Variants in RGS7 observed in about 807,000 individuals in gnomAD.
RGS7 encodes the protein regulator of G protein signaling 7.
A neutral mutation model predicts 81.1 loss-of-function variants in RGS7; 27 were observed. That is an observed-to-expected ratio of 0.33 (90% CI 0.25 to 0.46). The LOEUF is 0.46. RGS7 is among the 20% of genes least tolerant of loss of function. The pLI, the probability that RGS7 is intolerant of heterozygous loss-of-function variation, is 1.00. For synonymous variants in RGS7, 208 were observed against 207.7 expected, an observed-to-expected ratio of 1.00 and a Z score of -0.01; for missense variants, 396 against 607.4, an observed-to-expected ratio of 0.65 and a Z score of 3.66.
intron 3 of RGS7, among the ~76,000 whole-genome samples, chr1:241,036,553 T>A (rs2060338056): frequency 6.6e-6 from 1 of 152,194 alleles, no homozygotes; most frequent in Non-Finnish European, 1.5e-5. Context: ...CTTACACAAT[T>A]AGCATGCTTC....
intron 4 of RGS7, among the ~76,000 whole-genome samples, chr1:240,944,976 A>G (rs927444096): frequency 1.3e-5 from 2 of 151,870 alleles, no homozygotes; most frequent in South Asian, 2.1e-4. Flanking sequence ...CTTCCCAAGC[A>G]TTGGGATTAC....
rs571625864 is a variant in RGS7, at chr1:240,945,259, T to G, written c.227-8553A>C. 2.0e-5 allele frequency among the ~76,000 whole-genome samples: 3 copies of G among 152,342 alleles called. No homozygotes were observed. In the South Asian group the frequency reaches 6.2e-4, roughly 32 times the overall value. On this transcript the variant is annotated intron_variant, in intron 4 of 18. Transcript: ENST00000440928. Reference sequence around the variant, plus strand: ...AAGAGAAAAATAGCCCAATACGAAATATAAAAGCTGATTTTAATTTCAGTT... The same window carrying G: ...AAGAGAAAAATAGCCCAATACGAAAGATAAAAGCTGATTTTAATTTCAGTT...
intron 3 of RGS7, among the ~76,000 whole-genome samples, chr1:241,073,604 T>C (rs964043261): frequency 4.6e-5 from 7 of 152,154 alleles, no homozygotes; most frequent in Non-Finnish European, 7.3e-5. Context: ...GTGGTGAAAG[T>C]CCCTTGGAAT....
intron 2 of RGS7, among the ~76,000 whole-genome samples, chr1:241,204,677 T>C (rs1161612417): frequency 6.6e-6 from 1 of 152,048 alleles, no homozygotes; most frequent in Non-Finnish European, 1.5e-5. Context: ...TGTCTTTTTG[T>C]TGTTTCTTTA....
At chr1:240,876,633 A>G (rs1190168098) in intron 6 of RGS7, among the ~76,000 whole-genome samples, 1 of 152,144 alleles carries the variant, frequency 6.6e-6, no homozygotes. Context: ...TCTCCTTGGA[A>G]AGGACGTGAG....
chr1:241,113,128 A>C (rs1294235514), intron 2 of RGS7, among the ~76,000 whole-genome samples: 1 of 152,206 alleles, frequency 6.6e-6, no homozygotes, highest in East Asian at 1.9e-4. Context: ...CTAGTCCAAT[A>C]ACTGGCTCTT....
chr1:240,941,275 A>G (rs1473036519), intron 4 of RGS7, among the ~76,000 whole-genome samples: 2 of 152,216 alleles, frequency 1.3e-5, no homozygotes, highest in African/African-American at 4.8e-5. Flanking sequence ...AAATGGTTTT[A>G]AGATTTTTGG....
chr1:241,097,641 G>T (rs953352330), intron 3 of RGS7, among the ~76,000 whole-genome samples: 3 of 152,206 alleles, frequency 2.0e-5, no homozygotes, highest in East Asian at 3.9e-4. Flanking sequence ...TCGCTGCTGA[G>T]GCTTCGGGCT....
chr1:241,023,271 CCCTT>C, intron 3 of RGS7, among the ~76,000 whole-genome samples: 2 of 152,302 alleles, frequency 1.3e-5, no homozygotes, highest in Non-Finnish European at 2.9e-5. Context: ...CCCCTGAACT[CCCTT>C]GTTTTAGAGC....
At chr1:241,170,026 A>T (rs12141309) in intron 2 of RGS7, among the ~76,000 whole-genome samples, 39,915 of 151,842 alleles carry the variant, frequency 0.26, 5,480 homozygotes, top group East Asian at 0.37. Context: ...TGGGATAGCT[A>T]CCCTGGGCTC....
At chr1:241,121,670 TTA>T in intron 2 of RGS7, among the ~76,000 whole-genome samples, 1 of 151,620 alleles carries the variant, frequency 6.6e-6, no homozygotes. Flanking sequence ...AAGAAAGAGT[TTA>T]TATATATGCT....
chr1:240,803,077 C>G, intron 15 of RGS7, 84 bp from the exon 16 acceptor site: 1 of 924,294 alleles, frequency 1.1e-6, no homozygotes, highest in South Asian at 1.3e-5. Flanking sequence ...GGCTAAAGAA[C>G]AAATCTAGTA....
At chr1:240,796,919 C>T (rs148460220) in intron 18 of RGS7, among the ~76,000 whole-genome samples, 1 of 152,162 alleles carries the variant, frequency 6.6e-6, no homozygotes. Flanking sequence ...AAAGTCTCTA[C>T]AGATAATTGT....
At chr1:240,919,391 A>G (rs1025838834) in intron 6 of RGS7, among the ~76,000 whole-genome samples, 4 of 152,048 alleles carry the variant, frequency 2.6e-5, no homozygotes, top group African/African-American at 9.7e-5. Flanking sequence ...ACCAGGTGAT[A>G]TTTATTCCAT....
At chr1:241,207,261 T>TCTCTCTCTCC (rs2073970649) in intron 2 of RGS7, among the ~76,000 whole-genome samples, 1 of 151,336 alleles carries the variant, frequency 6.6e-6, no homozygotes, top group Non-Finnish European at 1.5e-5. Flanking sequence ...TCTCTCTCTC[T>TCTCTCTCTCC]TTCTTTCCCC....
intron 2 of RGS7, among the ~76,000 whole-genome samples, chr1:241,300,030 G>A (rs1573566401): frequency 2.7e-5 from 4 of 149,622 alleles, no homozygotes; most frequent in Non-Finnish European, 4.4e-5. Context: ...TGGGAAGATC[G>A]CCTGAACCCA....
chr1:240,987,951 T>A (rs1685918671), intron 3 of RGS7, among the ~76,000 whole-genome samples: 1 of 152,182 alleles, frequency 6.6e-6, no homozygotes, highest in South Asian at 2.1e-4. Context: ...TCAAATAGCA[T>A]GTAATAAACA....
intron 2 of RGS7, among the ~76,000 whole-genome samples, chr1:241,105,146 C>G (rs948317715): frequency 6.6e-6 from 1 of 152,142 alleles, no homozygotes; most frequent in African/African-American, 2.4e-5. Context: ...GATACTCCAG[C>G]TTACTTGTTA....
At chr1:241,296,007 C>T (rs1003179086) in intron 2 of RGS7, among the ~76,000 whole-genome samples, 2 of 152,132 alleles carry the variant, frequency 1.3e-5, no homozygotes, top group Non-Finnish European at 2.9e-5. Flanking sequence ...CAGCTTATTT[C>T]GAACATGTTG....
Sources: gnomAD v4.1 joint callset for allele counts (sites outside exome capture counted in the v4.1 genomes callset) on GRCh38, gnomAD v4.1.1 for gene constraint, MANE v1.5 for transcripts, NCBI Gene and HGNC (gene_info 2026-07-23, HGNC 2026-07-21) for gene names.